ANAPC4: variants seen among roughly 807,000 people sequenced by gnomAD.
The protein encoded by ANAPC4 is anaphase promoting complex subunit 4.
Under a neutral mutation model 119.8 loss-of-function variants are expected in ANAPC4, and 63 were observed. That is an observed-to-expected ratio of 0.53 (90% confidence interval 0.43 to 0.65). The LOEUF is 0.65. Among genes scored for constraint, ANAPC4 ranks in the 30% least tolerant of loss-of-function variants. The pLI, the probability that ANAPC4 is intolerant of heterozygous loss-of-function variation, is 0.00. For synonymous variants in ANAPC4, 283 were observed against 318.6 expected, an observed-to-expected ratio of 0.89 and a Z score of 1.19; for missense variants, 716 against 945.1, an observed-to-expected ratio of 0.76 and a Z score of 3.18.
At chr4:25,390,769 A>G in intron 8 of ANAPC4, 142 bp from the exon 9 acceptor site, 1 of 619,358 alleles carries the variant, frequency 1.6e-6, no homozygotes, top group East Asian at 2.8e-5. Flanking sequence ...GCAGACACCT[A>G]CCTTCATCTG....
At chr4:25,393,372 G>C (rs1722459447) in intron 10 of ANAPC4, among the ~76,000 whole-genome samples, 1 of 152,138 alleles carries the variant, frequency 6.6e-6, no homozygotes, top group South Asian at 2.1e-4. Flanking sequence ...AGTTAAAAGA[G>C]TGATTGAGGC....
chr4:25,394,630 C>A, intron 12 of ANAPC4, 41 bp from the exon 13 acceptor site: 1 of 1,546,754 alleles, frequency 6.5e-7, no homozygotes, highest in Non-Finnish European at 8.7e-7. Flanking sequence ...TTCAGATTTC[C>A]AATAGAGAAG....
chr4:25,414,725 T>A, intron 25 of ANAPC4, 25 bp downstream of exon 25: 1 of 1,464,068 alleles, frequency 6.8e-7, no homozygotes, highest in Non-Finnish European at 9.1e-7. Flanking sequence ...GAAGTTTGAA[T>A]CAAAGAGATA....
intron 12 of ANAPC4, 111 bp from the exon 13 acceptor site, chr4:25,394,560 G>C: frequency 8.1e-7 from 1 of 1,232,484 alleles, no homozygotes; most frequent in Non-Finnish European, 1.1e-6. Flanking sequence ...TTTTTGTGGG[G>C]CTATTTCTTT....
In ANAPC4 at chr4:25,409,709, T is replaced by C. The variant is rs1052067918; in HGVS notation, c.1443T>C (p.Asp481=). 1 of 1,610,254 alleles carries C rather than the reference T, an allele frequency of 6.2e-7. No homozygotes were observed. The highest frequency in any genetic ancestry group is 2.2e-5 in the East Asian group (1 of 44,792). The stretch of plus-strand genomic sequence containing the variant: ...TTCTGTATTTCTAGTACTTGAAAGA[T>C]GAAGATGATGATCTTGTGTCACCCC... ...NVERVGQYLK[D]EDDDLVSPPN... is the part of the protein sequence containing the mutation. Residue 481 remains aspartate (D), a synonymous_variant, in exon 21 of 29, where the codon GAT becomes GAC. Coordinates refer to ENST00000315368, the MANE Select transcript of ANAPC4 (RefSeq NM_013367.3).
rs1211958884 is a variant in ANAPC4 at position 25,418,274 on chromosome 4, A to G, written c.2319A>G (p.Glu773=). 6.2e-7 allele frequency: 1 copy of G among 1,614,096 alleles called. No individual in the cohort carries two copies. Among genetic ancestry groups the G allele is most frequent in the Non-Finnish European group, 8.5e-7 (1 of 1,179,972 alleles). ...EASNKPVKIK[E]EVLSESEAEN... is the part of the protein sequence containing the mutation. The stretch of plus-strand genomic sequence containing the variant: ...GTAATAAGCCTGTAAAAATAAAGGA[A>G]GAAGTGTTGTCGGAGTCAGAGGCAG... Residue 773 remains glutamate, a synonymous_variant, in exon 29 of 29, where the codon GAA becomes GAG. Coordinates refer to ENST00000315368, the MANE Select transcript of ANAPC4 (RefSeq NM_013367.3).
intron 4 of ANAPC4, among the ~76,000 whole-genome samples, 157 bp from the exon 5 acceptor site, chr4:25,388,343 G>A (rs1211096042): frequency 2.0e-5 from 3 of 151,774 alleles, no homozygotes; most frequent in East Asian, 3.8e-4. Context: ...TTCCTATTTG[G>A]GACTGTTAAA....
At chr4:25,415,392 C>T in intron 25 of ANAPC4, 74 bp from the exon 26 acceptor site, 1 of 1,173,476 alleles carries the variant, frequency 8.5e-7, no homozygotes, top group Admixed American at 2.0e-5. Context: ...CAATCATGTT[C>T]TTTTAAGCCT....
At chr4:25,417,309 TAG>T (rs1723942709) in intron 27 of ANAPC4, 1 of 172,692 alleles carries the variant, frequency 5.8e-6, no homozygotes, top group African/African-American at 2.4e-5. Flanking sequence ...TTTACAGAGA[TAG>T]AGTCTTACTA....
intron 4 of ANAPC4, among the ~76,000 whole-genome samples, chr4:25,387,349 T>C (rs944309248): frequency 6.6e-6 from 1 of 152,238 alleles, no homozygotes; most frequent in African/African-American, 2.4e-5. Context: ...CAAATGAATT[T>C]GTAAATCCTG....
chr4:25,415,504 G>A lies in ANAPC4; in HGVS notation c.1865G>A (p.Ser622Asn). The change falls in exon 26 of 29, where the codon AGC becomes AAC. Residue 622 changes from serine (S) to asparagine (N), a missense_variant. Coordinates refer to ENST00000315368, the MANE Select transcript of ANAPC4 (RefSeq NM_013367.3). ...GGACTAATTGCTATTAAATTTGGGA[G>A]CTTTACATATGCCACAACAGAAAAA... ...SNGLIAIKFG[S>N]FTYATTEKVR... The A allele has an allele frequency of 6.2e-7, 1 of 1,613,256 alleles. No individual in the cohort carries two copies. Among genetic ancestry groups the A allele is most frequent in the Non-Finnish European group, 8.5e-7 (1 of 1,179,586 alleles).
At chr4:25,414,412 G>A (rs748478284) in intron 23 of ANAPC4, 27 bp downstream of exon 23, 4 of 1,598,532 alleles carry the variant, frequency 2.5e-6, no homozygotes, top group Non-Finnish European at 2.6e-6. Context: ...ATTGGATGGT[G>A]TAATTCCGCA....
rs1004654809 is a variant in ANAPC4, at chr4:25,414,734, TA to T, written c.1826+36del. The T allele has an allele frequency of 3.5e-6, 5 of 1,440,610 alleles. No individual in the cohort carries two copies. The African/African-American group carries it at 4.3e-5, about 12-fold the overall frequency. The allele number at this position is 1,440,610 out of a possible 1,614,324, so 89.2% of individuals were successfully genotyped here. Reference sequence around the variant, plus strand: ...TAATCTGAAGTTTGAATCAAAGAGATAAGATTTTATTATTTGTAAGAATGAA... The same window carrying T: ...TAATCTGAAGTTTGAATCAAAGAGATAGATTTTATTATTTGTAAGAATGAA... On this transcript the variant is annotated intron_variant, in intron 25 of 28. Transcript: ENST00000315368.
chr4:25,408,394 G>T (rs28896510), intron 20 of ANAPC4, among the ~76,000 whole-genome samples: 61,722 of 151,882 alleles, frequency 0.41, 14,582 homozygotes, highest in Non-Finnish European at 0.52. Context: ...TTGGTTCCCT[G>T]AGTCATCCAG....
intron 10 of ANAPC4, 73 bp downstream of exon 10, chr4:25,392,494 A>G (rs1035052621): frequency 7.4e-7 from 1 of 1,352,688 alleles, no homozygotes; most frequent in Non-Finnish European, 1.0e-6. Context: ...AAAAGCTTCA[A>G]AATTTTGTTT....
intron 9 of ANAPC4, 24 bp from the exon 10 acceptor site, chr4:25,392,314 C>G: frequency 2.0e-6 from 3 of 1,533,134 alleles, no homozygotes; most frequent in Non-Finnish European, 2.7e-6. Context: ...GATGATGACT[C>G]ACTTTACTCT....
intron 16 of ANAPC4, 66 bp downstream of exon 16, chr4:25,396,965 C>T (rs1372073055): frequency 2.1e-6 from 3 of 1,435,322 alleles, no homozygotes; most frequent in South Asian, 1.3e-5. Context: ...AAATAAGAAC[C>T]TAGTAAGCTG....
intron 3 of ANAPC4, 66 bp downstream of exon 3, chr4:25,380,545 T>C: frequency 4.1e-6 from 5 of 1,214,322 alleles, no homozygotes. Context: ...AAAGCCCATT[T>C]TCAGAAAGGA....
chr4:25,410,999 GTGAATGAATGAATGAA>G (rs33984403), intron 21 of ANAPC4, among the ~76,000 whole-genome samples: 2 of 150,536 alleles, frequency 1.3e-5, no homozygotes, highest in Admixed American at 6.6e-5. Flanking sequence ...TGCTGCTTCT[GTGAATGAATGAATGAA>G]TGAATGAATG....
Sources: allele counts gnomAD v4.1 joint callset (sites outside exome capture counted in the v4.1 genomes callset), GRCh38; gene constraint gnomAD v4.1.1; transcripts MANE v1.5; gene names NCBI Gene and HGNC (gene_info 2026-07-23, HGNC 2026-07-21).